Variants in NRXN2 observed in about 807,000 individuals in gnomAD.
The protein encoded by NRXN2 is neurexin 2.
Under a neutral mutation model 128.8 loss-of-function variants are expected in NRXN2, and 29 were observed. The ratio of observed to expected loss-of-function variants is 0.23; its 90% CI spans 0.17 to 0.31. The LOEUF (loss-of-function observed/expected upper bound fraction) is 0.31, where lower values mean the gene tolerates loss of function less well. Ranked by LOEUF, NRXN2 falls within the 10% of genes least tolerant of loss-of-function variation. The probability of loss-of-function intolerance (pLI) is 1.00; values close to 1 mark genes in which losing one functional copy is unlikely to be tolerated. For synonymous variants in NRXN2, 1,098 were observed against 1,075.2 expected (o/e 1.02, Z -0.41); for missense variants, 1,881 against 2,452.6 (o/e 0.77, Z 4.92).
In NRXN2 at chr11:64,713,594, CG is replaced by C; in HGVS notation, c.105del (p.Gln37SerfsTer81). ...CAGCGCGCGTAGCGAGCCCACTGCCCGGGGCCGCCGCCGAACTCCAGGCCGT... is the reference window on the plus strand; with the variant it reads ...CAGCGCGCGTAGCGAGCCCACTGCCCGGGCCGCCGCCGAACTCCAGGCCGT... ...RADGLEFGGG[P>X]GQWARYARWA... On this transcript the variant is annotated frameshift_variant, in exon 2 of 23. Coordinates refer to ENST00000265459, the MANE Select transcript of NRXN2 (RefSeq NM_015080.4). LOFTEE classifies it high-confidence loss of function. 1 of 1,339,330 alleles carries C rather than the reference CG, an allele frequency of 7.5e-7. No homozygotes were observed. Among genetic ancestry groups the C allele is most frequent in the South Asian group, 1.8e-5 (1 of 55,102 alleles). The allele number at this position is 1,339,330 out of a possible 1,614,324, so 83.0% of individuals were successfully genotyped here.
chr11:64,700,572 A>G (rs2135619002), intron 2 of NRXN2, among the ~76,000 whole-genome samples: 1 of 152,270 alleles, frequency 6.6e-6, no homozygotes, highest in African/African-American at 2.4e-5. Flanking sequence ...CACACCCAGG[A>G]GCACAGAATC....
chr11:64,704,598 TCACACACA>T (rs1200286244), intron 2 of NRXN2, among the ~76,000 whole-genome samples: 1 of 99,578 alleles, frequency 1.0e-5, no homozygotes, highest in Admixed American at 1.1e-4. Flanking sequence ...ATTTCCAGGT[TCACACACA>T]CACACACACA....
At chr11:64,669,452 G>C (rs1365201543) in intron 7 of NRXN2, among the ~76,000 whole-genome samples, 2 of 152,174 alleles carry the variant, frequency 1.3e-5, no homozygotes, top group Non-Finnish European at 2.9e-5. Context: ...CCAGCTTAGG[G>C]AACAGACGGG....
intron 22 of NRXN2, among the ~76,000 whole-genome samples, chr11:64,608,473 C>G (rs1591437224): frequency 7.2e-6 from 1 of 139,140 alleles, no homozygotes; most frequent in Admixed American, 7.1e-5. Context: ...GGTTTTTTTT[C>G]TAGATTTTTC....
intron 17 of NRXN2, among the ~76,000 whole-genome samples, chr11:64,638,778 A>G (rs2045217384): frequency 6.6e-6 from 1 of 152,228 alleles, no homozygotes; most frequent in Non-Finnish European, 1.5e-5. Flanking sequence ...CTAAGGCAAG[A>G]AAGCCTCTGG....
rs199660225 is a variant in NRXN2 at position 64,667,399 on chromosome 11, C to A, written c.1649G>T (p.Arg550Leu). Residue 550 changes from arginine to leucine, a missense_variant, in exon 9 of 23, where the codon CGG becomes CTG. Arg to Leu is a moderately radical substitution (Grantham distance 102, BLOSUM62 -2). This residue lies in a region of NRXN2 where 997 missense variants were observed against 1,240.8 expected (regional missense o/e 0.80). Transcript: ENST00000265459. This position sits in a 1 kb window ranked among gnomAD's most constrained non-coding sequence, Gnocchi z 5.6. Reference sequence around the variant, plus strand: ...TAGCTCCATGGCAAAGTAGTCGGCCCGCTGAGCAGAGCTGTGGCTGCCAGC... The same window carrying A: ...TAGCTCCATGGCAAAGTAGTCGGCCAGCTGAGCAGAGCTGTGGCTGCCAGC... Reference protein sequence around the residue: ...GGAGSHSSAQRADYFAMELLD... With the variant: ...GGAGSHSSAQLADYFAMELLD... The A allele has an allele frequency of 4.3e-6, 7 of 1,614,200 alleles. No individual in the cohort carries two copies. Among genetic ancestry groups the A allele is most frequent in the Non-Finnish European group, 5.9e-6 (7 of 1,180,042 alleles).
At chr11:64,719,753 C>T (rs577065144) in intron 1 of NRXN2, among the ~76,000 whole-genome samples, 12 of 152,146 alleles carry the variant, frequency 7.9e-5, no homozygotes, top group Non-Finnish European at 1.6e-4. Flanking sequence ...GCAGCCTGGG[C>T]GGGTGCACCC....
At chr11:64,666,535 C>G (rs1224791013) in intron 9 of NRXN2, among the ~76,000 whole-genome samples, 1 of 151,486 alleles carries the variant, frequency 6.6e-6, no homozygotes, top group Non-Finnish European at 1.5e-5. Flanking sequence ...TTGAATGGCT[C>G]TAGACAGAAG....
At position 64,652,987 on chromosome 11, in the gene NRXN2, G is replaced by A. The variant is rs528253649; in HGVS notation, c.2416+709C>T. On this transcript the variant is annotated intron_variant, in intron 12 of 22. Transcript: ENST00000265459. ...GCCACACACACATGAAGAGCAGGGC[G>A]CCCAGCACACACAGTCTCTCTGCCT... is the stretch of plus-strand genomic sequence containing the variant. Among the ~76,000 whole-genome samples the A allele has an allele frequency of 7.3e-4, 109 of 150,022 alleles. 1 individual carries two copies. The highest frequency in any genetic ancestry group is 2.3e-3 in the African/African-American group (93 of 41,012).
intron 2 of NRXN2, among the ~76,000 whole-genome samples, chr11:64,699,120 CAT>C (rs2054939844): frequency 6.6e-6 from 1 of 152,210 alleles, no homozygotes; most frequent in Admixed American, 6.5e-5. Context: ...TGAAAACAAA[CAT>C]AGTCATTTGT....
intron 22 of NRXN2, among the ~76,000 whole-genome samples, chr11:64,613,146 A>C (rs1001816297): frequency 1.3e-5 from 2 of 152,244 alleles, no homozygotes; most frequent in African/African-American, 4.8e-5. Flanking sequence ...TGGCATATGC[A>C]CATGCACACA....
At chr11:64,619,907 G>A (rs573867150) in intron 22 of NRXN2, among the ~76,000 whole-genome samples, 66 of 152,246 alleles carry the variant, frequency 4.3e-4, no homozygotes, top group African/African-American at 1.5e-3. Flanking sequence ...AGGGGCAGGT[G>A]GGAGTTGTGG....
chr11:64,684,181 G>A (rs1474599209), intron 6 of NRXN2, among the ~76,000 whole-genome samples: 1 of 152,172 alleles, frequency 6.6e-6, no homozygotes, highest in Non-Finnish European at 1.5e-5. Flanking sequence ...TCTTGCCGAA[G>A]TCGGTACCAG....
At chr11:64,682,998 T>C (rs1477676399) in intron 6 of NRXN2, among the ~76,000 whole-genome samples, 1 of 152,134 alleles carries the variant, frequency 6.6e-6, no homozygotes, top group Non-Finnish European at 1.5e-5. Context: ...TTCCAGTCTT[T>C]GGAGCTGGCC....
intron 6 of NRXN2, among the ~76,000 whole-genome samples, chr11:64,680,686 G>A (rs1174238934): frequency 2.0e-5 from 3 of 152,328 alleles, no homozygotes; most frequent in South Asian, 4.1e-4. Context: ...AGATCCTTGA[G>A]GCCAGGGGCT....
chr11:64,620,242 C>G, intron 22 of NRXN2, 52 bp downstream of exon 22: 1 of 1,437,680 alleles, frequency 7.0e-7, no homozygotes, highest in Non-Finnish European at 9.6e-7. Context: ...CGCCCCCCTC[C>G]CAGCAGCATC....
At chr11:64,662,643 G>A (rs577619016) in intron 9 of NRXN2, among the ~76,000 whole-genome samples, 5 of 152,024 alleles carry the variant, frequency 3.3e-5, no homozygotes, top group South Asian at 2.1e-4. Flanking sequence ...TTAGCTGGGC[G>A]TGGTGGCGGG....
intron 12 of NRXN2, 92 bp from the exon 13 acceptor site, chr11:64,652,246 C>T: frequency 6.7e-7 from 1 of 1,485,656 alleles, no homozygotes; most frequent in Non-Finnish European, 9.1e-7. Flanking sequence ...GCCTCCCCAT[C>T]CCCGCACATG....
intron 17 of NRXN2, among the ~76,000 whole-genome samples, chr11:64,647,168 T>C (rs1591771234): frequency 6.6e-6 from 1 of 152,128 alleles, no homozygotes; most frequent in Non-Finnish European, 1.5e-5. Context: ...ACTGTCCCTC[T>C]CCAGCCGTAT....
Sources: gnomAD v4.1 joint callset for allele counts (sites outside exome capture counted in the v4.1 genomes callset) on GRCh38, gnomAD v4.1.1 for gene constraint, gnomAD v4.1.1 regional missense constraint, Gnocchi (gnomAD v3.1) non-coding constraint, MANE v1.5 for transcripts, NCBI Gene and HGNC (gene_info 2026-07-23, HGNC 2026-07-21) for gene names.